The following LUZP1 variants were observed in gnomAD, a reference collection of about 807,000 sequenced individuals.
The protein encoded by LUZP1 is filamin mechanobinding actin cross-linking protein.
LUZP1 carries 25 observed loss-of-function variants against 71.3 expected under a neutral mutation model. The ratio of observed to expected loss-of-function variants is 0.35; its 90% CI spans 0.26 to 0.49. The LOEUF is 0.49. Among genes scored for constraint, LUZP1 ranks in the 20% least tolerant of loss-of-function variants. The pLI, the probability that LUZP1 is intolerant of heterozygous loss-of-function variation, is 0.99. For synonymous variants in LUZP1, 481 were observed against 506.4 expected (o/e 0.95, Z 0.67); for missense variants, 1,142 against 1,300.8 (o/e 0.88, Z 1.88).
At chr1:23,112,695 ACTC>A (rs1186600051) in intron 2 of LUZP1, among the ~76,000 whole-genome samples, 1 of 152,156 alleles carries the variant, frequency 6.6e-6, no homozygotes. Flanking sequence ...CATGGAATGA[ACTC>A]CTCATTTTTG....
At chr1:23,149,191 G>C (rs1438573499) in intron 2 of LUZP1, among the ~76,000 whole-genome samples, 2 of 148,898 alleles carry the variant, frequency 1.3e-5, no homozygotes, top group African/African-American at 2.5e-5. Context: ...CCAGAGTCAA[G>C]ACCAGAAGTG....
At chr1:23,084,210 C>G (rs766508663) in exon 5 of LUZP1, 1 of 152,166 alleles carries the variant, frequency 6.6e-6, no homozygotes, top group Non-Finnish European at 1.5e-5. Context: ...AAACAGAAAT[C>G]TATTCGAAAG....
rs771317525 is a variant in LUZP1 at position 23,094,080 on chromosome 1, A to G, written c.182T>C (p.Met61Thr). Residue 61 changes from methionine (M) to threonine (T), a missense_variant, in exon 4 of 5, where the codon ATG becomes ACG. Physicochemically the swap from Met to Thr is moderately conservative, Grantham distance 81. Coordinates refer to ENST00000302291, the Ensembl canonical transcript of LUZP1. The surrounding 1 kb of genome is among the most constrained non-coding windows in gnomAD (Gnocchi z 4.7). ...GCGCAGCACTTCAATCTCCGCCAACATGCTGGAGTTGCTACCTTCTGCCTG... is the reference window on the plus strand; with the variant it reads ...GCGCAGCACTTCAATCTCCGCCAACGTGCTGGAGTTGCTACCTTCTGCCTG... 2.5e-6 allele frequency: 4 copies of G among 1,614,182 alleles called. No homozygotes were observed. The highest frequency in any genetic ancestry group is 4.5e-5 in the East Asian group (2 of 44,880).
At chr1:23,120,928 G>A (rs368120398) in intron 2 of LUZP1, among the ~76,000 whole-genome samples, 8 of 152,254 alleles carry the variant, frequency 5.3e-5, no homozygotes, top group African/African-American at 1.9e-4. Flanking sequence ...TACAAACGAG[G>A]TGGATCAGAC....
intron 1 of LUZP1, among the ~76,000 whole-genome samples, chr1:23,172,515 T>C (rs961164969): frequency 6.6e-6 from 1 of 151,520 alleles, no homozygotes; most frequent in African/African-American, 2.4e-5. Context: ...ATTTTTATTT[T>C]TTTATTTTTT....
At chr1:23,141,336 C>A (rs1644301817) in intron 2 of LUZP1, among the ~76,000 whole-genome samples, 1 of 152,202 alleles carries the variant, frequency 6.6e-6, no homozygotes, top group Non-Finnish European at 1.5e-5. Context: ...CCCAGTGTAT[C>A]CCTTGAGCCT....
At chr1:23,144,435 A>C (rs986453736) in intron 2 of LUZP1, among the ~76,000 whole-genome samples, 1 of 152,204 alleles carries the variant, frequency 6.6e-6, no homozygotes, top group African/African-American at 2.4e-5. Flanking sequence ...ACACACAACA[A>C]AAGAGTGGGA....
At chr1:23,114,268 GA>G in intron 2 of LUZP1, among the ~76,000 whole-genome samples, 1 of 152,276 alleles carries the variant, frequency 6.6e-6, no homozygotes, top group Admixed American at 6.5e-5. Flanking sequence ...GAAGCAAGGG[GA>G]AAATAATTTT....
intron 2 of LUZP1, among the ~76,000 whole-genome samples, chr1:23,115,462 T>C (rs183082423): frequency 5.1e-4 from 77 of 152,330 alleles, no homozygotes; most frequent in Admixed American, 2.2e-3. Flanking sequence ...TGGGAGTGCT[T>C]ATTAATAAAT....
chr1:23,088,756 C>G, exon 5 of LUZP1: 2 of 1,250,438 alleles, frequency 1.6e-6, no homozygotes, highest in Non-Finnish European at 2.2e-6. Flanking sequence ...ATTACCTGAG[C>G]CACAGCCCGG....
At chr1:23,154,709 A>AT (rs1191570803) in intron 2 of LUZP1, among the ~76,000 whole-genome samples, 18,262 of 125,516 alleles carry the variant, frequency 0.15, 1,653 homozygotes, top group South Asian at 0.33. Context: ...CACCTGGCTA[A>AT]TTTTTTTTTT....
chr1:23,085,868 C>T (rs749901587), exon 5 of LUZP1: 1 of 152,174 alleles, frequency 6.6e-6, no homozygotes, highest in Non-Finnish European at 1.5e-5. Flanking sequence ...AGCAGCAGCA[C>T]GTGGAAGAGA....
intron 2 of LUZP1, among the ~76,000 whole-genome samples, chr1:23,159,388 G>A (rs1370208852): frequency 6.6e-6 from 1 of 152,072 alleles, no homozygotes; most frequent in Non-Finnish European, 1.5e-5. Flanking sequence ...TAAAAATCTA[G>A]CATAGAATTA....
At chr1:23,117,508 G>A (rs1291809288) in intron 2 of LUZP1, among the ~76,000 whole-genome samples, 13 of 40,208 alleles carry the variant, frequency 3.2e-4, no homozygotes, top group Non-Finnish European at 4.4e-4. Flanking sequence ...AGGAAGCCCT[G>A]GGGGGGGGGG....
chr1:23,139,019 A>AAAAAAATATAT (rs1317355746), intron 2 of LUZP1, among the ~76,000 whole-genome samples: 42 of 59,946 alleles, frequency 7.0e-4, no homozygotes, highest in African/African-American at 1.5e-3. Flanking sequence ...AAAAAAAAAA[A>AAAAAAATATAT]ATATATATAT....
At chr1:23,140,733 T>G (rs1010248024) in intron 2 of LUZP1, 1 of 152,564 alleles carries the variant, frequency 6.6e-6, no homozygotes, top group Non-Finnish European at 1.5e-5. Flanking sequence ...CATGAGCCAG[T>G]GGCACCCAAG....
intron 2 of LUZP1, chr1:23,162,777 T>C (rs1274252282): frequency 6.6e-6 from 1 of 152,214 alleles, no homozygotes; most frequent in Non-Finnish European, 1.5e-5. Context: ...TGCACAAGGA[T>C]GACATGCTAA....
intron 2 of LUZP1, among the ~76,000 whole-genome samples, chr1:23,164,880 C>A (rs1644498064): frequency 6.6e-6 from 1 of 152,122 alleles, no homozygotes; most frequent in Admixed American, 6.5e-5. Context: ...TTCTTAAGCA[C>A]AGCCAAAGAT....
intron 2 of LUZP1, among the ~76,000 whole-genome samples, chr1:23,132,038 T>C (rs1278820721): frequency 6.6e-6 from 1 of 152,182 alleles, no homozygotes; most frequent in Non-Finnish European, 1.5e-5. Context: ...TCCCACTATG[T>C]TGCCCAAGCT....
Sources: gnomAD v4.1 joint callset for allele counts (sites outside exome capture counted in the v4.1 genomes callset) on GRCh38, gnomAD v4.1.1 for gene constraint, Gnocchi (gnomAD v3.1) non-coding constraint, MANE v1.5 for transcripts, NCBI Gene and HGNC (gene_info 2026-07-23, HGNC 2026-07-21) for gene names.